The following ALK variants were observed in gnomAD, a reference collection of about 807,000 sequenced individuals.
The protein encoded by ALK is ALK tyrosine kinase receptor.
A neutral mutation model predicts 163.1 loss-of-function variants in ALK; 74 were observed. The ratio of observed to expected loss-of-function variants is 0.45; its 90% CI spans 0.38 to 0.55. ALK has a LOEUF of 0.55. Among genes scored for constraint, ALK ranks in the 20% least tolerant of loss-of-function variants. The pLI is 0.00. For synonymous variants in ALK, 960 were observed against 843.2 expected (o/e 1.14, Z -2.40); for missense variants, 2,063 against 2,105.3 (o/e 0.98, Z 0.39).
At position 29,215,705 on chromosome 2, in the gene ALK, ATG is replaced by A. The variant is rs1246582992; in HGVS notation, c.3646-1626_3646-1625del. ...GAGTGCCTGAAGGGGGTTGGAGCGT[ATG>A]TATGTGACTACAGTGCCCAATGCAC... On this transcript the variant is annotated intron_variant, in intron 23 of 28. Transcript: ENST00000389048. Among the ~76,000 whole-genome samples the A allele has an allele frequency of 6.3e-3, 16 of 2,560 alleles. No individual in the cohort carries two copies. The East Asian group carries it at 0.22, about 35-fold the overall frequency. The allele number at this position is 2,560 out of a possible 152,430, so 1.7% of individuals were successfully genotyped here.
intron 4 of ALK, among the ~76,000 whole-genome samples, chr2:29,524,110 C>T (rs10175168): frequency 0.061 from 9,273 of 152,076 alleles, 471 homozygotes; most frequent in African/African-American, 0.14. Flanking sequence ...TGATCTTGAA[C>T]GGGGCTTTAA....
rs565381677 is a variant in ALK at position 29,708,130 on chromosome 2, C to A, written c.787+9448G>T. On this transcript the variant is annotated intron_variant, in intron 2 of 28. Coordinates refer to ENST00000389048, the MANE Select transcript of ALK (RefSeq NM_004304.5). The stretch of plus-strand genomic sequence containing the variant: ...TCACCCAGGCTGGAGTGCAATGGTG[C>A]AGTCTCAGCTCACGGCAACCTCCAT... Among the ~76,000 whole-genome samples the A allele has an allele frequency of 1.6e-4, 24 of 152,252 alleles. No individual in the cohort carries two copies. The South Asian group carries it at 5.0e-3, about 32-fold the overall frequency.
At chr2:29,913,826 A>G (rs894188664) in intron 1 of ALK, among the ~76,000 whole-genome samples, 2 of 152,102 alleles carry the variant, frequency 1.3e-5, no homozygotes, top group African/African-American at 4.8e-5. Flanking sequence ...CCAGTTGGTA[A>G]TTTACATTTC....
rs878998432 is a variant in ALK, at chr2:29,225,561, T to C, written c.3072A>G (p.Ser1024=). ...GTGGCAGGTGTGGCTCCGGGGTGGG[T>C]GACACTGGAAGACAGGTCCCACTGG... is the stretch of plus-strand genomic sequence containing the variant. ...LAEDGVSCIV[S]PTPEPHLPLS... The change falls in exon 19 of 29, where the codon TCA becomes TCG. Residue 1024 remains serine (S), a synonymous_variant. Transcript: ENST00000389048. 1.2e-6 allele frequency: 2 copies of C among 1,605,882 alleles called. No homozygotes were observed. Among genetic ancestry groups the C allele is most frequent in the Non-Finnish European group, 1.7e-6 (2 of 1,178,120 alleles).
intron 1 of ALK, among the ~76,000 whole-genome samples, chr2:29,860,198 A>T (rs781184133): frequency 2.0e-5 from 3 of 152,174 alleles, no homozygotes; most frequent in Non-Finnish European, 4.4e-5. Context: ...TAACGATGGA[A>T]CTTCTGGTAG....
intron 23 of ALK, among the ~76,000 whole-genome samples, chr2:29,217,683 G>A (rs1405234848): frequency 6.6e-6 from 1 of 152,154 alleles, no homozygotes. Context: ...GAGCTACAGA[G>A]CTGGCAGGAA....
At chr2:29,398,718 C>A (rs1286582591) in intron 4 of ALK, among the ~76,000 whole-genome samples, 1 of 152,072 alleles carries the variant, frequency 6.6e-6, no homozygotes, top group Non-Finnish European at 1.5e-5. Context: ...TTCCAGCATT[C>A]TCCGAGGTCA....
At chr2:29,722,443 T>C (rs777920047) in intron 1 of ALK, among the ~76,000 whole-genome samples, 2 of 152,228 alleles carry the variant, frequency 1.3e-5, no homozygotes, top group Non-Finnish European at 2.9e-5. Flanking sequence ...CAGAACCACA[T>C]TGTAGCCCTC....
intron 1 of ALK, among the ~76,000 whole-genome samples, chr2:29,846,315 C>A (rs182888201): frequency 6.6e-6 from 1 of 152,336 alleles, no homozygotes; most frequent in African/African-American, 2.4e-5. Flanking sequence ...TGGAACTCAA[C>A]AGCACCCCTC....
At chr2:29,633,116 G>A (rs1293283673) in intron 3 of ALK, among the ~76,000 whole-genome samples, 1 of 152,100 alleles carries the variant, frequency 6.6e-6, no homozygotes, top group Non-Finnish European at 1.5e-5. Flanking sequence ...TGGTTGTTAT[G>A]GAAGCCTGAG....
intron 3 of ALK, among the ~76,000 whole-genome samples, chr2:29,634,704 G>T (rs1277894975): frequency 6.6e-6 from 1 of 152,108 alleles, no homozygotes. Context: ...TTCCTTCTGA[G>T]ATTTAAAGCA....
intron 3 of ALK, among the ~76,000 whole-genome samples, chr2:29,613,281 A>C (rs13387745): frequency 6.6e-6 from 1 of 152,258 alleles, no homozygotes; most frequent in Non-Finnish European, 1.5e-5. Context: ...AATTTATCCC[A>C]GATGACTGGC....
At chr2:29,815,360 G>A (rs987735839) in intron 1 of ALK, among the ~76,000 whole-genome samples, 8 of 151,972 alleles carry the variant, frequency 5.3e-5, no homozygotes, top group African/African-American at 1.9e-4. Flanking sequence ...AAGGGGAAGG[G>A]GTAGCAGGAG....
In ALK at chr2:29,510,860, G is replaced by A. The variant is rs534552339; in HGVS notation, c.1154+21055C>T. ...GAAGTCTTCATGAGGAAGGTGATTC[G>A]TGAATCAGAGGCCCAGGAATACCAC... On this transcript the variant is annotated intron_variant, in intron 4 of 28. Transcript: ENST00000389048. 5.6e-4 allele frequency among the ~76,000 whole-genome samples: 86 copies of A among 152,226 alleles called. No individual in the cohort carries two copies. In the South Asian group the frequency reaches 0.015, roughly 26 times the overall value.
At chr2:29,586,661 G>T (rs565704993) in intron 3 of ALK, among the ~76,000 whole-genome samples, 41 of 152,262 alleles carry the variant, frequency 2.7e-4, no homozygotes, top group African/African-American at 9.4e-4. Flanking sequence ...ATTTAGGCTG[G>T]ACTCTAGAGA....
At chr2:29,824,473 C>T (rs1665139079) in intron 1 of ALK, among the ~76,000 whole-genome samples, 1 of 152,210 alleles carries the variant, frequency 6.6e-6, no homozygotes, top group South Asian at 2.1e-4. Flanking sequence ...GTGAAGGCAG[C>T]TGGGAGGGGG....
At chr2:29,415,760 C>T (rs754203918) in intron 4 of ALK, among the ~76,000 whole-genome samples, 8 of 152,156 alleles carry the variant, frequency 5.3e-5, no homozygotes, top group Admixed American at 1.3e-4. Context: ...CCAATGTGGG[C>T]GGGCATCTCC....
rs574080020 is a variant in ALK, at chr2:29,761,179, A to C, written c.668-43482T>G. On this transcript the variant is annotated intron_variant, in intron 1 of 28. Transcript: ENST00000389048. ...AACAGAGAATGAACTTAGGGAGTAG[A>C]CAGGGGGCTTTGTTGCATTAGAACC... is the stretch of plus-strand genomic sequence containing the variant. 5.9e-5 allele frequency among the ~76,000 whole-genome samples: 9 copies of C among 152,318 alleles called. No homozygotes were observed. The East Asian group carries it at 1.7e-3, about 29-fold the overall frequency.
intron 1 of ALK, among the ~76,000 whole-genome samples, chr2:29,901,595 A>G (rs1202594681): frequency 6.6e-6 from 1 of 152,218 alleles, no homozygotes; most frequent in Non-Finnish European, 1.5e-5. Flanking sequence ...CAAGCCGCTC[A>G]TCTCTCATTG....
Sources: allele counts gnomAD v4.1 joint callset (sites outside exome capture counted in the v4.1 genomes callset), GRCh38; gene constraint gnomAD v4.1.1; transcripts MANE v1.5; gene names NCBI Gene and HGNC (gene_info 2026-07-23, HGNC 2026-07-21).